Variants in HGD observed in about 807,000 individuals in gnomAD.
HGD encodes the protein homogentisate 1,2-dioxygenase, also known as homogentisate oxidase.
A neutral mutation model predicts 60.8 loss-of-function variants in HGD; 61 were observed. That is an observed-to-expected ratio of 1.00 (90% CI 0.82 to 1.24). The LOEUF is 1.24. HGD is among the 50% of genes most tolerant of loss of function. The pLI is 0.00. For missense variants in HGD, 542 were observed against 547.1 expected (o/e 0.99, Z 0.09); for synonymous variants, 212 against 187.7 (o/e 1.13, Z -1.06).
chr3:120,652,316 C>A (rs1941365779), intron 5 of HGD, among the ~76,000 whole-genome samples: 1 of 151,272 alleles, frequency 6.6e-6, no homozygotes, highest in Non-Finnish European at 1.5e-5. Flanking sequence ...AGCCCCCGTT[C>A]TAGCCAAAAG....
intron 4 of HGD, among the ~76,000 whole-genome samples, chr3:120,652,868 G>A (rs1161988272): frequency 6.6e-6 from 1 of 152,194 alleles, no homozygotes; most frequent in Non-Finnish European, 1.5e-5. Context: ...ATGTTTGTGT[G>A]TTTAAAACTA....
intron 13 of HGD, among the ~76,000 whole-genome samples, chr3:120,630,378 T>C (rs902620544): frequency 1.3e-5 from 2 of 151,990 alleles, no homozygotes; most frequent in Non-Finnish European, 2.9e-5. Flanking sequence ...CAAAGTATAC[T>C]ACAAGGCTAC....
At chr3:120,655,932 C>T (rs1047922725) in intron 4 of HGD, among the ~76,000 whole-genome samples, 1 of 152,214 alleles carries the variant, frequency 6.6e-6, no homozygotes, top group African/African-American at 2.4e-5. Flanking sequence ...GTAAAGGATG[C>T]TTGCTGACTG....
intron 11 of HGD, among the ~76,000 whole-genome samples, chr3:120,640,366 A>T (rs544236086): frequency 2.7e-4 from 41 of 152,214 alleles, no homozygotes; most frequent in African/African-American, 9.4e-4. Flanking sequence ...CTAAAACCCC[A>T]GTGCATTGAC....
intron 6 of HGD, among the ~76,000 whole-genome samples, chr3:120,649,431 CTG>C (rs1312154513): frequency 1.3e-5 from 2 of 152,244 alleles, no homozygotes; most frequent in Admixed American, 1.3e-4. Context: ...GCGTGATCCA[CTG>C]TGCCCGGCCT....
At chr3:120,660,469 C>A (rs1029885446) in intron 4 of HGD, among the ~76,000 whole-genome samples, 7 of 152,160 alleles carry the variant, frequency 4.6e-5, no homozygotes, top group Non-Finnish European at 1.0e-4. Flanking sequence ...CGTTGGAGTT[C>A]TTTGAGGTGA....
In HGD at chr3:120,628,241, A is replaced by T; in HGVS notation, c.*139T>A. ...CATAGAACTTTGCAAATGCGTTTCC[A>T]TAAAAGTTCTGAGTTACTTGACTAT... On this transcript the variant is annotated 3_prime_UTR_variant, in exon 14 of 14. Coordinates refer to ENST00000283871, the MANE Select transcript of HGD (RefSeq NM_000187.4). 2 of 960,102 alleles carry T rather than the reference A, an allele frequency of 2.1e-6. No homozygotes were observed. The highest frequency in any genetic ancestry group is 3.3e-6 in the Non-Finnish European group (2 of 606,416). 59.5% of individuals were successfully genotyped at this position (960,102 alleles called of 1,614,324 possible). A position where few individuals can be genotyped will look rare whatever the true frequency, so the allele number is the denominator to read the frequency against.
intron 13 of HGD, among the ~76,000 whole-genome samples, chr3:120,630,469 C>T (rs145524225): frequency 2.0e-4 from 31 of 152,018 alleles, no homozygotes; most frequent in Non-Finnish European, 3.1e-4. Flanking sequence ...GAAACAAGGC[C>T]GCACACCTAT....
chr3:120,662,305 G>A (rs546131064), intron 4 of HGD, among the ~76,000 whole-genome samples: 73 of 152,242 alleles, frequency 4.8e-4, no homozygotes, highest in Admixed American at 2.9e-3. Context: ...GGAAGACATA[G>A]GAATCAGGTA....
chr3:120,653,924 A>T (rs909909001), intron 4 of HGD, among the ~76,000 whole-genome samples: 1 of 152,182 alleles, frequency 6.6e-6, no homozygotes, highest in Non-Finnish European at 1.5e-5. Flanking sequence ...TTCCAGTGAC[A>T]TTCCACCAAG....
chr3:120,679,872 G>T (rs963993170), intron 1 of HGD, among the ~76,000 whole-genome samples: 1 of 152,182 alleles, frequency 6.6e-6, no homozygotes, highest in Non-Finnish European at 1.5e-5. Flanking sequence ...TCAGACTTCT[G>T]ACCTCCACAA....
chr3:120,673,082 G>T (rs1210995772), intron 3 of HGD, among the ~76,000 whole-genome samples: 1 of 152,112 alleles, frequency 6.6e-6, no homozygotes, highest in African/African-American at 2.4e-5. Context: ...GATAAGACTG[G>T]TCCCATTTTC....
intron 9 of HGD, among the ~76,000 whole-genome samples, chr3:120,645,757 A>G (rs1941137242): frequency 6.6e-6 from 1 of 152,164 alleles, no homozygotes; most frequent in African/African-American, 2.4e-5. Context: ...CCCATTTTAT[A>G]CAATATGCAA....
chr3:120,648,805 T>C (rs1375439387), intron 6 of HGD, among the ~76,000 whole-genome samples: 1 of 152,224 alleles, frequency 6.6e-6, no homozygotes, highest in African/African-American at 2.4e-5. Flanking sequence ...TGGTCACTCA[T>C]ATTTGGCTCA....
chr3:120,673,428 C>A (rs1209469799), intron 3 of HGD, among the ~76,000 whole-genome samples: 2 of 152,096 alleles, frequency 1.3e-5, no homozygotes, highest in Non-Finnish European at 2.9e-5. Context: ...AAGTCAAGAA[C>A]ATAGTCATAG....
chr3:120,667,369 T>G (rs1707925162), intron 4 of HGD, among the ~76,000 whole-genome samples: 1 of 147,874 alleles, frequency 6.8e-6, no homozygotes, highest in Non-Finnish European at 1.5e-5. Flanking sequence ...CTAGAAAAAT[T>G]CTATTAGAAC....
chr3:120,669,486 C>T (rs936943423), intron 4 of HGD, among the ~76,000 whole-genome samples: 2 of 149,906 alleles, frequency 1.3e-5, no homozygotes. Context: ...CACACACACA[C>T]GCAGACTGTT....
intron 4 of HGD, among the ~76,000 whole-genome samples, chr3:120,663,515 C>T (rs1707827339): frequency 1.3e-5 from 2 of 152,218 alleles, no homozygotes; most frequent in South Asian, 4.1e-4. Context: ...TCCCGTAACA[C>T]GTGGGAATTC....
intron 11 of HGD, among the ~76,000 whole-genome samples, chr3:120,641,338 C>A (rs1940971177): frequency 6.6e-6 from 1 of 152,138 alleles, no homozygotes; most frequent in Admixed American, 6.5e-5. Context: ...CTTAGTTTGG[C>A]AAATACAAGT....
Sources: gnomAD v4.1 joint callset for allele counts (sites outside exome capture counted in the v4.1 genomes callset) on GRCh38, gnomAD v4.1.1 for gene constraint, MANE v1.5 for transcripts, NCBI Gene and HGNC (gene_info 2026-07-23, HGNC 2026-07-21) for gene names.